AP2A2: variants seen among roughly 807,000 people sequenced by gnomAD.
The protein encoded by AP2A2 is adaptor related protein complex 2 subunit alpha 2.
In AP2A2, 32 loss-of-function variants were observed where a neutral mutation model predicts 104.2. The observed-to-expected ratio is 0.31, with a 90% CI of 0.23 to 0.41. AP2A2 has a LOEUF of 0.41. AP2A2 is among the 10% of genes least tolerant of loss of function. The probability of loss-of-function intolerance (pLI) is 1.00; values close to 1 mark genes in which losing one functional copy is unlikely to be tolerated. For synonymous variants in AP2A2, 539 were observed against 533.3 expected (o/e 1.01, Z -0.15); for missense variants, 912 against 1,261.0 (o/e 0.72, Z 4.19).
intron 1 of AP2A2, among the ~76,000 whole-genome samples, chr11:930,336 TTGTGG>T (rs1490998685): frequency 6.6e-6 from 1 of 152,114 alleles, no homozygotes; most frequent in Admixed American, 6.6e-5. Context: ...GTTGTAGCTT[TTGTGG>T]CTCAGGTAGT....
chr11:967,973 A>G (rs1224699632), intron 2 of AP2A2, among the ~76,000 whole-genome samples: 2 of 152,158 alleles, frequency 1.3e-5, no homozygotes, highest in Non-Finnish European at 2.9e-5. Flanking sequence ...TGAAGACTGT[A>G]TCAGTCTGGG....
In AP2A2 at chr11:1,011,968, CTGG is replaced by C; in HGVS notation, c.*1349_*1351del. 1 of 161,454 alleles carries C rather than the reference CTGG, an allele frequency of 6.2e-6. No homozygotes were observed. The highest frequency in any genetic ancestry group is 1.8e-4 in the South Asian group (1 of 5,650). 10.0% of individuals were successfully genotyped at this position (161,454 alleles called of 1,614,324 possible). Reference sequence around the variant, plus strand: ...GCCTCTCGCACAGGCCATTCTGGGTCTGGTGGTGCCAGGTGCCGTGACACGCCG... The same window carrying C: ...GCCTCTCGCACAGGCCATTCTGGGTCTGGTGCCAGGTGCCGTGACACGCCG... On this transcript the variant is annotated 3_prime_UTR_variant, in exon 22 of 22. Coordinates refer to ENST00000448903, the MANE Select transcript of AP2A2 (RefSeq NM_012305.4).
chr11:944,479 T>G (rs10751671), intron 1 of AP2A2, among the ~76,000 whole-genome samples: 77,201 of 151,952 alleles, frequency 0.51, 20,231 homozygotes, highest in Middle Eastern at 0.66. Flanking sequence ...AAGAAAAACA[T>G]AGTTTAGTGG....
At chr11:927,994 G>T (rs1312197841) in intron 1 of AP2A2, among the ~76,000 whole-genome samples, 1 of 152,096 alleles carries the variant, frequency 6.6e-6, no homozygotes, top group Admixed American at 6.6e-5. Flanking sequence ...CCTTAAATGC[G>T]CTATGATGTC....
Position 1,010,978 on chromosome 11 carries a change from C to T in AP2A2, c.*353C>T. ...CACTGAGATGGCCCGTGCTGCCGCCCACCCCGCCTCGGAGCCTCTGGGAGC... is the reference window on the plus strand; with the variant it reads ...CACTGAGATGGCCCGTGCTGCCGCCTACCCCGCCTCGGAGCCTCTGGGAGC... On this transcript the variant is annotated 3_prime_UTR_variant, in exon 22 of 22. Coordinates refer to ENST00000448903, the MANE Select transcript of AP2A2 (RefSeq NM_012305.4). The T allele has an allele frequency of 1.4e-6, 1 of 716,110 alleles. No homozygotes were observed. The highest frequency in any genetic ancestry group is 2.6e-6 in the Non-Finnish European group (1 of 387,482). 44.4% of individuals were successfully genotyped at this position (716,110 alleles called of 1,614,324 possible).
intron 1 of AP2A2, among the ~76,000 whole-genome samples, chr11:945,632 C>T (rs1210616427): frequency 6.6e-6 from 1 of 152,130 alleles, no homozygotes; most frequent in Non-Finnish European, 1.5e-5. Context: ...TGCATCCAGC[C>T]TCACTTTCTG....
chr11:947,563 A>G (rs959491987), intron 1 of AP2A2, among the ~76,000 whole-genome samples: 1 of 151,944 alleles, frequency 6.6e-6, no homozygotes, highest in Non-Finnish European at 1.5e-5. Flanking sequence ...TGGGAGGCCG[A>G]GGTGGGCGGA....
At chr11:932,426 A>G (rs1217142227) in intron 1 of AP2A2, among the ~76,000 whole-genome samples, 4 of 152,242 alleles carry the variant, frequency 2.6e-5, no homozygotes, top group Non-Finnish European at 4.4e-5. Flanking sequence ...TTAAACATAA[A>G]GTTATACTGA....
intron 1 of AP2A2, among the ~76,000 whole-genome samples, chr11:955,651 T>C (rs1854210269): frequency 6.6e-6 from 1 of 152,258 alleles, no homozygotes; most frequent in Non-Finnish European, 1.5e-5. Context: ...ACATAGGCAC[T>C]TGATTTTCCT....
chr11:994,500 C>T (rs1349481117), intron 14 of AP2A2, among the ~76,000 whole-genome samples: 1 of 149,606 alleles, frequency 6.7e-6, no homozygotes, highest in African/African-American at 2.5e-5. Flanking sequence ...TGCTGGACGC[C>T]CCGCTGTCTG....
At position 968,094 on chromosome 11, in the gene AP2A2, T is replaced by C. The variant is rs1854683740; in HGVS notation, c.137-2075T>C. Among the ~76,000 whole-genome samples the C allele has an allele frequency of 6.6e-6, 1 of 151,674 alleles. No individual in the cohort carries two copies. Among genetic ancestry groups the C allele is most frequent in the Non-Finnish European group, 1.5e-5 (1 of 67,966 alleles). ...AGGGTGTGGAGCGAGCATTGCTGCTTGTTTCCTGTGGCCCTGGGTTAGGCC... is the reference window on the plus strand; with the variant it reads ...AGGGTGTGGAGCGAGCATTGCTGCTCGTTTCCTGTGGCCCTGGGTTAGGCC... On this transcript the variant is annotated intron_variant, in intron 2 of 21. Coordinates refer to ENST00000448903, the MANE Select transcript of AP2A2 (RefSeq NM_012305.4). This position sits in a 1 kb window ranked among gnomAD's most constrained non-coding sequence, Gnocchi z 4.2.
intron 2 of AP2A2, among the ~76,000 whole-genome samples, chr11:962,255 G>A (rs1002042753): frequency 1.3e-5 from 2 of 152,248 alleles, no homozygotes; most frequent in Admixed American, 1.3e-4. Flanking sequence ...ATGAGGAAAT[G>A]CATAGAAATT....
At chr11:953,031 G>T (rs978599590) in intron 1 of AP2A2, among the ~76,000 whole-genome samples, 1 of 152,178 alleles carries the variant, frequency 6.6e-6, no homozygotes, top group African/African-American at 2.4e-5. Flanking sequence ...TGACTGCAGG[G>T]GTGCTGCGTT....
At chr11:989,903 G>A (rs1301817383) in intron 10 of AP2A2, among the ~76,000 whole-genome samples, 1 of 152,192 alleles carries the variant, frequency 6.6e-6, no homozygotes, top group African/African-American at 2.4e-5. Context: ...TATAGAAAGC[G>A]CTTTGTTATT....
At chr11:980,564 G>A (rs11606018) in intron 5 of AP2A2, among the ~76,000 whole-genome samples, 64,246 of 135,370 alleles carry the variant, frequency 0.47, 15,851 homozygotes, top group Middle Eastern at 0.63. Context: ...GTGACAGGCT[G>A]CCCGGTGCTT....
chr11:989,003 A>G (rs1331813493), intron 10 of AP2A2, among the ~76,000 whole-genome samples: 2 of 152,066 alleles, frequency 1.3e-5, no homozygotes, highest in East Asian at 1.9e-4. Context: ...TTAAAAAAAA[A>G]TCAGCATTTT....
intron 20 of AP2A2, 29 bp from the exon 21 acceptor site, chr11:1,009,638 CGCGACCCCGCGCCAGG>C (rs1564825582): frequency 6.8e-7 from 1 of 1,473,866 alleles, no homozygotes. Flanking sequence ...ACACGCTGCC[CGCGACCCCGCGCCAGG>C]GTCCTCATTC....
chr11:1,002,240 G>A (rs1327358458), intron 15 of AP2A2, among the ~76,000 whole-genome samples: 1 of 152,248 alleles, frequency 6.6e-6, no homozygotes, highest in Non-Finnish European at 1.5e-5. Context: ...GTGGCCCCTC[G>A]CGTGGAGTGC....
At chr11:937,572 C>T (rs542188970) in intron 1 of AP2A2, among the ~76,000 whole-genome samples, 18 of 152,190 alleles carry the variant, frequency 1.2e-4, no homozygotes, top group South Asian at 2.1e-4. Context: ...TGCGCCATTG[C>T]GCAGCCTGGG....
Sources: gnomAD v4.1 joint callset for allele counts (sites outside exome capture counted in the v4.1 genomes callset) on GRCh38, gnomAD v4.1.1 for gene constraint, Gnocchi (gnomAD v3.1) non-coding constraint, MANE v1.5 for transcripts, NCBI Gene and HGNC (gene_info 2026-07-23, HGNC 2026-07-21) for gene names.